Variants in PLEKHG1 observed in about 807,000 individuals in gnomAD.
The protein encoded by PLEKHG1 is pleckstrin homology and RhoGEF domain containing G1.
PLEKHG1 carries 44 observed loss-of-function variants against 100.8 expected under a neutral mutation model. That is an observed-to-expected ratio of 0.44 (90% CI 0.34 to 0.56). PLEKHG1 has a LOEUF of 0.56. Ranked by LOEUF, PLEKHG1 falls within the 20% of genes least tolerant of loss-of-function variation. The pLI is 0.01. For synonymous variants in PLEKHG1, 640 were observed against 662.5 expected (o/e 0.97, Z 0.52); for missense variants, 1,545 against 1,720.9 (o/e 0.90, Z 1.81).
chr6:150,810,107 G>C (rs895664406), intron 10 of PLEKHG1, among the ~76,000 whole-genome samples: 1 of 152,000 alleles, frequency 6.6e-6, no homozygotes, highest in African/African-American at 2.4e-5. Context: ...ACCAGCCTGG[G>C]CAACAAAGTG....
chr6:150,729,254 G>T (rs927043936), intron 1 of PLEKHG1, among the ~76,000 whole-genome samples: 6 of 152,150 alleles, frequency 3.9e-5, no homozygotes, highest in Non-Finnish European at 8.8e-5. Flanking sequence ...TTGAGATGGG[G>T]TTTTACTAGG....
At chr6:150,649,162 C>T (rs1274563607) in intron 2 of PLEKHG1, among the ~76,000 whole-genome samples, 3 of 152,120 alleles carry the variant, frequency 2.0e-5, no homozygotes, top group Admixed American at 6.5e-5. Flanking sequence ...ACAAATGAAA[C>T]TGCATTGTTT....
intron 6 of PLEKHG1, among the ~76,000 whole-genome samples, chr6:150,801,370 G>A (rs570433115): frequency 2.0e-5 from 3 of 151,416 alleles, no homozygotes; most frequent in East Asian, 3.9e-4. Flanking sequence ...CACTACTTTT[G>A]CAAAATGCAA....
rs548157516 is a variant in PLEKHG1, at chr6:150,715,497, T to C, written c.-98-18087T>C. ...ACTATTTTTTTTCTTTTTCTTTTTT[T>C]TTTTTTTTGAGACGGAATCTTGCTC... is the stretch of plus-strand genomic sequence containing the variant. On this transcript the variant is annotated intron_variant, in intron 3 of 3. Coordinates refer to the PLEKHG1 transcript ENST00000367326. Among the ~76,000 whole-genome samples, 332 of 150,770 alleles carry C rather than the reference T, an allele frequency of 2.2e-3. 5 individuals are homozygous for C. Among genetic ancestry groups the C allele is most frequent in the Non-Finnish European group, 3.9e-3 (265 of 67,664 alleles).
At chr6:150,821,132 A>C (rs1776270864) in intron 12 of PLEKHG1, 63 bp from the exon 14 acceptor site, 1 of 1,307,628 alleles carries the variant, frequency 7.6e-7, no homozygotes, top group South Asian at 1.2e-5. Flanking sequence ...TCCTCTTATA[A>C]AGAATAAAGA....
intron 1 of PLEKHG1, among the ~76,000 whole-genome samples, chr6:150,619,501 A>G (rs1045262588): frequency 6.6e-6 from 1 of 152,198 alleles, no homozygotes; most frequent in African/African-American, 2.4e-5. Context: ...ACAACTGGTC[A>G]TAGATGTTTT....
intron 1 of PLEKHG1, among the ~76,000 whole-genome samples, chr6:150,629,670 A>C (rs1166003402): frequency 2.0e-5 from 3 of 152,214 alleles, no homozygotes; most frequent in Non-Finnish European, 4.4e-5. Context: ...CATATTGGCC[A>C]GGATGGTCTC....
chr6:150,714,819 C>T (rs1969001), intron 3 of PLEKHG1, among the ~76,000 whole-genome samples: 72,407 of 143,028 alleles, frequency 0.51, 18,212 homozygotes, highest in Admixed American at 0.59. Flanking sequence ...GAATTTTTTT[C>T]TTTTTTTTTG....
At chr6:150,696,166 G>T (rs745870962) in intron 3 of PLEKHG1, among the ~76,000 whole-genome samples, 4 of 152,152 alleles carry the variant, frequency 2.6e-5, no homozygotes, top group Non-Finnish European at 5.9e-5. Context: ...TCTGTCAATA[G>T]TTCTTAAAGT....
intron 14 of PLEKHG1, among the ~76,000 whole-genome samples, chr6:150,827,184 C>T (rs987432601): frequency 1.3e-5 from 2 of 151,460 alleles, no homozygotes; most frequent in Non-Finnish European, 2.9e-5. Context: ...CATAAGCCAC[C>T]GTGCCCAGAT....
intron 3 of PLEKHG1, among the ~76,000 whole-genome samples, chr6:150,780,968 G>T (rs1785277508): frequency 6.6e-6 from 1 of 151,678 alleles, no homozygotes; most frequent in Non-Finnish European, 1.5e-5. Context: ...CTTCCTCCCG[G>T]GTTCAAGCAA....
At chr6:150,780,446 T>TA (rs961340670) in intron 3 of PLEKHG1, among the ~76,000 whole-genome samples, 5 of 152,146 alleles carry the variant, frequency 3.3e-5, no homozygotes, top group Admixed American at 1.3e-4. Flanking sequence ...CCTTTTCTCT[T>TA]ACCTCATCTG....
intron 13 of PLEKHG1, among the ~76,000 whole-genome samples, chr6:150,821,640 C>T (rs149706086): frequency 5.5e-4 from 83 of 151,802 alleles, no homozygotes; most frequent in African/African-American, 1.4e-3. Context: ...GCCGAGATCA[C>T]GCCATTGCAC....
chr6:150,756,645 G>A (rs1407455705), intron 2 of PLEKHG1, among the ~76,000 whole-genome samples: 1 of 152,184 alleles, frequency 6.6e-6, no homozygotes, highest in East Asian at 1.9e-4. Flanking sequence ...TGACTCAGGA[G>A]ATGAGAAGTT....
chr6:150,653,206 A>G (rs897187791), intron 3 of PLEKHG1, among the ~76,000 whole-genome samples: 9 of 152,238 alleles, frequency 5.9e-5, no homozygotes, highest in African/African-American at 1.9e-4. Flanking sequence ...TTTACTTTAA[A>G]AACAGAAGAA....
chr6:150,681,316 A>C (rs1779925006), intron 3 of PLEKHG1, among the ~76,000 whole-genome samples: 1 of 151,686 alleles, frequency 6.6e-6, no homozygotes. Flanking sequence ...GATCAAGACC[A>C]TCCTGACCAA....
chr6:150,657,508 T>C (rs1562415613), intron 3 of PLEKHG1, among the ~76,000 whole-genome samples: 1 of 152,238 alleles, frequency 6.6e-6, no homozygotes, highest in Non-Finnish European at 1.5e-5. Context: ...TCAACATCCT[T>C]AACTTTTCGA....
intron 1 of PLEKHG1, among the ~76,000 whole-genome samples, chr6:150,619,560 T>G (rs62434064): frequency 0.08 from 12,104 of 152,246 alleles, 553 homozygotes; most frequent in Non-Finnish European, 0.1. Flanking sequence ...GCTTTATTCC[T>G]GATACCCACT....
chr6:150,695,459 T>G (rs1295170665), intron 3 of PLEKHG1, among the ~76,000 whole-genome samples: 2 of 152,222 alleles, frequency 1.3e-5, no homozygotes, highest in Non-Finnish European at 2.9e-5. Context: ...ATTGGGTGTT[T>G]CTTCCTTATA....
Sources: gnomAD v4.1 joint callset for allele counts (sites outside exome capture counted in the v4.1 genomes callset) on GRCh38, gnomAD v4.1.1 for gene constraint, MANE v1.5 for transcripts, NCBI Gene and HGNC (gene_info 2026-07-23, HGNC 2026-07-21) for gene names.